GSE1: variants seen among roughly 807,000 people sequenced by gnomAD.
GSE1 encodes the protein Gse1 coiled-coil protein.
In GSE1, 32 loss-of-function variants were observed where a neutral mutation model predicts 112.6. The ratio of observed to expected loss-of-function variants is 0.28; its 90% CI spans 0.21 to 0.38. The LOEUF (loss-of-function observed/expected upper bound fraction) is 0.38. Ranked by LOEUF, GSE1 falls within the 10% of genes least tolerant of loss-of-function variation. GSE1 has a pLI of 1.00. For missense variants in GSE1, 2,348 were observed against 1,699.2 expected, an observed-to-expected ratio of 1.38 and a Z score of -6.71; for synonymous variants, 1,115 against 735.6, an observed-to-expected ratio of 1.52 and a Z score of -8.35.
At chr16:85,276,724 G>A (rs1003192493) in intron 1 of GSE1, among the ~76,000 whole-genome samples, 2 of 152,126 alleles carry the variant, frequency 1.3e-5, no homozygotes, top group East Asian at 3.9e-4. Flanking sequence ...GGCAGGGGCC[G>A]GGGAGGTGTG....
chr16:85,373,499 T>C lies in GSE1; in HGVS notation c.2464+15856T>C, dbSNP rs1258731523. Among the ~76,000 whole-genome samples, 2 of 152,044 alleles carry C rather than the reference T, an allele frequency of 1.3e-5. No individual in the cohort carries two copies. The highest frequency in any genetic ancestry group is 2.9e-5 in the Non-Finnish European group (2 of 67,976). ...TCAGCCTGTCTCCCCATTTGTGAAG[T>C]AGGGATGCTGTGGCAGCTGCCTCCC... On this transcript the variant is annotated intron_variant, in intron 2 of 2. Transcript: ENST00000637419. This position sits in a 1 kb window ranked among gnomAD's most constrained non-coding sequence, Gnocchi z 5.1.
chr16:85,661,447 A>G lies in GSE1; in HGVS notation c.1942A>G (p.Lys648Glu), dbSNP rs965612643. The change falls in exon 9 of 16, where the codon AAG (lysine) becomes GAG (glutamate). Residue 648 changes from lysine (K) to glutamate (E), a missense_variant. Coordinates refer to ENST00000253458, the MANE Select transcript of GSE1 (RefSeq NM_014615.5). The part of the protein sequence containing the change: ...PRKREPAPLD[K>E]YQPPPPPPRE... ...GAAGCGTGAGCCTGCCCCTCTGGAC[A>G]AGTACCAGCCACCTCCGCCGCCACC... The G allele has an allele frequency of 1.9e-6, 3 of 1,611,572 alleles. No homozygotes were observed. Among genetic ancestry groups the G allele is most frequent in the African/African-American group, 2.7e-5 (2 of 74,872 alleles).
At chr16:85,585,052 A>ACTC (rs1346362167) in intron 1 of GSE1, among the ~76,000 whole-genome samples, 2 of 152,182 alleles carry the variant, frequency 1.3e-5, no homozygotes, top group African/African-American at 4.8e-5. Flanking sequence ...AGGAGCTTTC[A>ACTC]CTGACGGGAA....
intron 1 of GSE1, among the ~76,000 whole-genome samples, chr16:85,271,090 G>A (rs577883731): frequency 3.9e-5 from 6 of 152,294 alleles, no homozygotes; most frequent in African/African-American, 1.4e-4. Context: ...CTGGCCTCAG[G>A]GAGGCCAGAA....
At chr16:85,426,065 GGATGGATGGGTA>G (rs1242358525) in intron 2 of GSE1, among the ~76,000 whole-genome samples, 3 of 134,144 alleles carry the variant, frequency 2.2e-5, no homozygotes, top group African/African-American at 8.7e-5. Context: ...ATGGATGGAT[GGATGGATGGGTA>G]GATGGATGGG....
chr16:85,174,767 C>G (rs1328035879), intron 1 of GSE1, among the ~76,000 whole-genome samples: 1 of 152,224 alleles, frequency 6.6e-6, no homozygotes, highest in African/African-American at 2.4e-5. Flanking sequence ...GAAGGTGACA[C>G]TTGCAGGAGC....
chr16:85,382,899 TACACTTGTGCACACATACATGCAC>T (rs1168525622), intron 2 of GSE1, among the ~76,000 whole-genome samples: 1 of 148,694 alleles, frequency 6.7e-6, no homozygotes, highest in African/African-American at 2.5e-5. Context: ...CACACACGCA[TACACTTGTGCACACATACATGCAC>T]ACACGCGCAC....
chr16:85,591,381 G>A (rs2046996054), intron 1 of GSE1, among the ~76,000 whole-genome samples: 2 of 152,262 alleles, frequency 1.3e-5, no homozygotes, highest in Non-Finnish European at 2.9e-5. Context: ...GGGAGATGAG[G>A]CTGGTTAGTT....
chr16:85,531,895 G>T (rs2044149999), intron 2 of GSE1, among the ~76,000 whole-genome samples: 1 of 152,160 alleles, frequency 6.6e-6, no homozygotes, highest in Admixed American at 6.5e-5. Context: ...GCTGATTGAG[G>T]CTCTCCTCCC....
rs528951370 is a variant in GSE1, at chr16:85,229,357, G to A, written c.2283+57550G>A. On this transcript the variant is annotated intron_variant, in intron 1 of 2. Transcript: ENST00000637419. ...CCTGTGCCGTGTCAAGGCCGGGAGCGGGCTTGTGGCTGCCGTTCAGCTCAC... is the reference window on the plus strand; with the variant it reads ...CCTGTGCCGTGTCAAGGCCGGGAGCAGGCTTGTGGCTGCCGTTCAGCTCAC... 3.2e-3 allele frequency among the ~76,000 whole-genome samples: 487 copies of A among 152,304 alleles called. 3 individuals are homozygous for A. Among genetic ancestry groups the A allele is most frequent in the African/African-American group, 0.011 (459 of 41,570 alleles).
intron 2 of GSE1, among the ~76,000 whole-genome samples, chr16:85,547,433 C>T (rs940904992): frequency 6.6e-6 from 1 of 152,220 alleles, no homozygotes; most frequent in Non-Finnish European, 1.5e-5. Context: ...ACGCCAATTT[C>T]TGCCTCTATT....
At chr16:85,506,748 C>G (rs1208289558) in intron 2 of GSE1, among the ~76,000 whole-genome samples, 2 of 152,092 alleles carry the variant, frequency 1.3e-5, no homozygotes, top group African/African-American at 4.8e-5. Flanking sequence ...GTCATTCATT[C>G]ATTCATTCAT....
intron 2 of GSE1, among the ~76,000 whole-genome samples, chr16:85,525,170 C>G (rs918291547): frequency 6.6e-6 from 1 of 152,124 alleles, no homozygotes; most frequent in African/African-American, 2.4e-5. Context: ...CCTGGCCGGC[C>G]CAGTGGTTTC....
Position 85,214,398 on chromosome 16 carries a change from G to A in GSE1, c.2283+42591G>A, listed in dbSNP as rs567333168. 2.6e-5 allele frequency among the ~76,000 whole-genome samples: 4 copies of A among 152,316 alleles called. No homozygotes were observed. The South Asian group carries it at 8.3e-4, about 32-fold the overall frequency. The stretch of plus-strand genomic sequence containing the variant: ...CCTCACAAGAAGAAGGAGATTTAGA[G>A]ACGCAGACACAGGGTGCAGGCAGAG... On this transcript the variant is annotated intron_variant, in intron 1 of 2. Transcript: ENST00000637419.
chr16:85,243,646 C>T (rs546851306), intron 1 of GSE1, among the ~76,000 whole-genome samples: 11 of 152,232 alleles, frequency 7.2e-5, no homozygotes, highest in Admixed American at 2.6e-4. Flanking sequence ...TGGAGGAGCA[C>T]GGAGCAGGCT....
intron 1 of GSE1, among the ~76,000 whole-genome samples, chr16:85,246,951 G>T (rs1039703928): frequency 2.6e-5 from 4 of 152,042 alleles, no homozygotes; most frequent in Non-Finnish European, 4.4e-5. Context: ...TTGCCAAGGC[G>T]CTTCCCAGTG....
intron 2 of GSE1, among the ~76,000 whole-genome samples, chr16:85,526,212 C>T (rs956397188): frequency 6.6e-5 from 10 of 152,250 alleles, no homozygotes; most frequent in Non-Finnish European, 1.3e-4. Flanking sequence ...CTACTGTGTG[C>T]CAGGCCCAGC....
At chr16:85,245,761 C>A (rs1443876101) in intron 1 of GSE1, among the ~76,000 whole-genome samples, 1 of 152,136 alleles carries the variant, frequency 6.6e-6, no homozygotes, top group Non-Finnish European at 1.5e-5. Context: ...ACTGTGGGCA[C>A]CGCCTGGGGG....
chr16:85,246,560 G>A (rs570085330), intron 1 of GSE1, among the ~76,000 whole-genome samples: 8 of 140,936 alleles, frequency 5.7e-5, no homozygotes, highest in Non-Finnish European at 3.0e-5. Flanking sequence ...AGGAGCAGCC[G>A]TGATTTATGT....
Sources: allele counts gnomAD v4.1 joint callset (sites outside exome capture counted in the v4.1 genomes callset), GRCh38; gene constraint gnomAD v4.1.1; non-coding constraint Gnocchi (gnomAD v3.1); transcripts MANE v1.5; gene names NCBI Gene and HGNC (gene_info 2026-07-23, HGNC 2026-07-21).